Variants in NBPF11 observed in about 807,000 individuals in gnomAD.
NBPF11 encodes NBPF member 11, also known as NBPF family member NBPF11.
A neutral mutation model predicts 93.9 loss-of-function variants in NBPF11; 72 were observed. The ratio of observed to expected loss-of-function variants is 0.77; its 90% CI spans 0.63 to 0.93. The LOEUF (loss-of-function observed/expected upper bound fraction) is 0.93, where lower values mean the gene tolerates loss of function less well. Ranked by LOEUF, NBPF11 falls within the 40% of genes least tolerant of loss-of-function variation. NBPF11 has a pLI of 0.00. For missense variants in NBPF11, 705 were observed against 802.2 expected, an observed-to-expected ratio of 0.88 and a Z score of 1.46; for synonymous variants, 224 against 304.9, an observed-to-expected ratio of 0.73 and a Z score of 2.76.
chr1:148,108,598 T>C lies in NBPF11; in HGVS notation c.1910A>G (p.Asp637Gly). The change falls in exon 18 of 24, where the codon GAT becomes GGT. Residue 637 changes from aspartate to glycine, a missense_variant. By Grantham distance (94) the Asp-to-Gly change is moderately conservative. Transcript: ENST00000682118. ...KEPEVLQDSL[D>G]RCYSTPSVYL... The stretch of plus-strand genomic sequence containing the variant: ...AACTGAAGGAGTTGAATAACATCTA[T>C]CCAGTGAGTCCTGCAAGACTTCAGG... 6.5e-7 allele frequency: 1 copy of C among 1,537,526 alleles called. No individual in the cohort carries two copies. The highest frequency in any genetic ancestry group is 1.1e-5 in the South Asian group (1 of 89,528).
rs1662840105 is a variant in NBPF11 at position 148,103,778 on chromosome 1, A to G, written c.*118T>C. The G allele has an allele frequency of 1.9e-6, 3 of 1,611,888 alleles. No homozygotes were observed. The highest frequency in any genetic ancestry group is 2.5e-6 in the Non-Finnish European group (3 of 1,179,458). On this transcript the variant is annotated 3_prime_UTR_variant, in exon 24 of 24. Coordinates refer to ENST00000682118, the MANE Select transcript of NBPF11 (RefSeq NM_001385469.3). ...GGCAAAGCTGATGTGCTGTTCCTCA[A>G]ATGAGTAAAACACACTTCTGTAGTG...
chr1:148,121,434 G>A (rs1444289467), intron 9 of NBPF11, among the ~76,000 whole-genome samples: 13 of 148,458 alleles, frequency 8.8e-5, no homozygotes, highest in East Asian at 2.0e-4. Flanking sequence ...TGCAAGATCC[G>A]GTTCCTGGGT....
At chr1:148,108,267 G>A (rs1362996600) in intron 18 of NBPF11, among the ~76,000 whole-genome samples, 30 of 151,772 alleles carry the variant, frequency 2.0e-4, no homozygotes, top group African/African-American at 7.3e-4. Flanking sequence ...GGTGCCACAG[G>A]CATGGCCTGA....
intron 5 of NBPF11, among the ~76,000 whole-genome samples, chr1:148,125,976 T>C (rs1237284070): frequency 6.6e-6 from 1 of 151,936 alleles, no homozygotes; most frequent in Non-Finnish European, 1.5e-5. Flanking sequence ...TCTCTGCTTT[T>C]TATTTTTATT....
chr1:148,111,743 T>A (rs1300335884), intron 15 of NBPF11, among the ~76,000 whole-genome samples: 5 of 151,694 alleles, frequency 3.3e-5, no homozygotes, highest in Admixed American at 6.6e-5. Context: ...CCAATAAATA[T>A]GGGACTATGT....
At chr1:148,120,305 T>C (rs1436560198) in intron 10 of NBPF11, among the ~76,000 whole-genome samples, 196 bp downstream of exon 10, 3 of 151,838 alleles carry the variant, frequency 2.0e-5, no homozygotes, top group Admixed American at 6.6e-5. Context: ...CCCCACCTGA[T>C]TGCAAACATG....
At chr1:148,120,819 T>C in intron 9 of NBPF11, 109 bp from the exon 10 acceptor site, 2 of 883,916 alleles carry the variant, frequency 2.3e-6, no homozygotes, top group South Asian at 1.3e-5. Flanking sequence ...TATTTGAAGA[T>C]GTTGTTTCCC....
intron 7 of NBPF11, 105 bp downstream of exon 7, chr1:148,123,748 G>T (rs1447124095): frequency 6.2e-7 from 1 of 1,609,266 alleles, no homozygotes. Flanking sequence ...CATATGTGTA[G>T]TAGAAAAAAA....
intron 7 of NBPF11, among the ~76,000 whole-genome samples, 159 bp from the exon 8 acceptor site, chr1:148,122,960 T>G (rs1304998960): frequency 2.2e-5 from 3 of 137,178 alleles, no homozygotes; most frequent in Admixed American, 6.9e-5. Flanking sequence ...CATGGTTTCC[T>G]GGTCCATCAG....
At chr1:148,139,001 G>A (rs1415009531) in intron 2 of NBPF11, among the ~76,000 whole-genome samples, 3 of 151,254 alleles carry the variant, frequency 2.0e-5, no homozygotes, top group African/African-American at 7.4e-5. Flanking sequence ...TGAGGCAGGA[G>A]AATCACTTGA....
chr1:148,124,907 C>T lies in NBPF11; in HGVS notation c.270G>A (p.Glu90=). The change falls in exon 6 of 24, where the codon GAG becomes GAA. Residue 90 remains glutamate (E), a synonymous_variant. Coordinates refer to ENST00000682118, the MANE Select transcript of NBPF11 (RefSeq NM_001385469.3). ...CTACGGGGTCCCCTCACCTGAGCTC[C>T]TCAGCTTGCTTGAGCTGCTCTGCAA... ...EKLAEQLKQA[E]ELRQYKVLVH... The T allele has an allele frequency of 3.1e-6, 5 of 1,609,738 alleles. No homozygotes were observed. Among genetic ancestry groups the T allele is most frequent in the East Asian group, 2.2e-5 (1 of 44,876 alleles).
At chr1:148,108,895 T>C (rs1385422294) in intron 17 of NBPF11, among the ~76,000 whole-genome samples, 1 of 94,528 alleles carries the variant, frequency 1.1e-5, no homozygotes, top group Non-Finnish European at 2.5e-5. Flanking sequence ...ACACACAGTG[T>C]GAGCTCAGTC....
chr1:148,132,255 G>GT lies in NBPF11; in HGVS notation c.-36+3416_-36+3417insA, dbSNP rs1553274642. 7.0e-5 allele frequency among the ~76,000 whole-genome samples: 10 copies of GT among 142,726 alleles called. No homozygotes were observed. The East Asian group carries it at 8.4e-4, about 12-fold the overall frequency. The allele number at this position is 142,726 out of a possible 152,430, so 93.6% of individuals were successfully genotyped here. On this transcript the variant is annotated intron_variant, in intron 4 of 23. Coordinates refer to ENST00000682118, the MANE Select transcript of NBPF11 (RefSeq NM_001385469.3). Reference sequence around the variant, plus strand: ...CACACATGTTTGTGTGTGTGTGTGTGGGGGTGTGTATACATATATATATGT... The same window carrying GT: ...CACACATGTTTGTGTGTGTGTGTGTGTGGGGTGTGTATACATATATATATGT...
At chr1:148,124,476 G>C (rs1668613849) in intron 6 of NBPF11, among the ~76,000 whole-genome samples, 1 of 149,826 alleles carries the variant, frequency 6.7e-6, no homozygotes, top group Non-Finnish European at 1.5e-5. Context: ...GAATTGAAAA[G>C]ACGAAAGAAG....
intron 2 of NBPF11, among the ~76,000 whole-genome samples, chr1:148,142,109 G>A (rs1254314321): frequency 7.4e-5 from 11 of 147,970 alleles, no homozygotes; most frequent in Middle Eastern, 3.5e-3. Flanking sequence ...AAGGAGGGAG[G>A]GAAAGAATAA....
At chr1:148,106,708 G>A (rs1360653211) in intron 20 of NBPF11, among the ~76,000 whole-genome samples, 5 of 148,618 alleles carry the variant, frequency 3.4e-5, no homozygotes, top group African/African-American at 1.3e-4. Context: ...GCTGAGAGTG[G>A]GCTCAGGTTG....
intron 1 of NBPF11, among the ~76,000 whole-genome samples, chr1:148,144,886 T>A (rs1479323333): frequency 1.3e-5 from 2 of 151,132 alleles, no homozygotes; most frequent in African/African-American, 4.9e-5. Context: ...AGCAGACTAC[T>A]TGAGCCCAAG....
intron 1 of NBPF11, among the ~76,000 whole-genome samples, chr1:148,150,653 T>C (rs1348920700): frequency 3.3e-5 from 5 of 151,856 alleles, no homozygotes; most frequent in Admixed American, 3.3e-4. Flanking sequence ...CGTGAAGCAC[T>C]GGTATTCATT....
At chr1:148,146,355 C>A (rs1673066086) in intron 1 of NBPF11, 122 of 1,479,898 alleles carry the variant, frequency 8.2e-5, no homozygotes, top group Non-Finnish European at 1.0e-4. Flanking sequence ...GCGTTGTTGG[C>A]GGGGGCCCCG....
Sources: gnomAD v4.1 joint callset for allele counts (sites outside exome capture counted in the v4.1 genomes callset) on GRCh38, gnomAD v4.1.1 for gene constraint, MANE v1.5 for transcripts, NCBI Gene and HGNC (gene_info 2026-07-23, HGNC 2026-07-21) for gene names.